Variants in PLEKHH1 observed in about 807,000 individuals in gnomAD.
The protein encoded by PLEKHH1 is pleckstrin homology, MyTH4 and FERM domain containing H1.
Under a neutral mutation model 160.0 loss-of-function variants are expected in PLEKHH1, and 104 were observed. The ratio of observed to expected loss-of-function variants is 0.65; its 90% confidence interval spans 0.55 to 0.76. PLEKHH1 has a LOEUF of 0.76. PLEKHH1 is among the 30% of genes least tolerant of loss of function. The pLI, the probability that PLEKHH1 is intolerant of heterozygous loss-of-function variation, is 0.00. For missense variants in PLEKHH1, 1,427 were observed against 1,724.1 expected (o/e 0.83, Z 3.05); for synonymous variants, 619 against 678.4 (o/e 0.91, Z 1.36).
chr14:67,563,118 C>T (rs2034918817), intron 7 of PLEKHH1, among the ~76,000 whole-genome samples: 1 of 152,210 alleles, frequency 6.6e-6, no homozygotes, highest in Non-Finnish European at 1.5e-5. Flanking sequence ...CCTGAGTGCT[C>T]ACCGTGCACC....
Position 67,588,016 on chromosome 14 carries a change from G to C in PLEKHH1, c.*781G>C, listed in dbSNP as rs527845955. 1 of 152,544 alleles carries C rather than the reference G, an allele frequency of 6.6e-6. No individual in the cohort carries two copies. The highest frequency in any genetic ancestry group is 2.4e-5 in the African/African-American group (1 of 41,432). The allele number at this position is 152,544 out of a possible 1,614,324, so 9.4% of individuals were successfully genotyped here. A position where few individuals can be genotyped will look rare whatever the true frequency, so the allele number is the denominator to read the frequency against. ...AATGGGAAAGGTGCTGACAGAGTTG[G>C]AGAAAAAAGAATAGACTCATTTTTC... On this transcript the variant is annotated 3_prime_UTR_variant, in exon 29 of 29. Coordinates refer to ENST00000329153, the MANE Select transcript of PLEKHH1 (RefSeq NM_020715.3).
intron 23 of PLEKHH1, among the ~76,000 whole-genome samples, chr14:67,581,300 A>ACC (rs2035886922): frequency 6.6e-6 from 1 of 151,750 alleles, no homozygotes; most frequent in South Asian, 2.1e-4. Flanking sequence ...ACACACACAC[A>ACC]AACATCTGCC....
At chr14:67,555,798 A>G in intron 2 of PLEKHH1, 27 bp from the exon 3 acceptor site, 6 of 1,612,166 alleles carry the variant, frequency 3.7e-6, no homozygotes, top group Non-Finnish European at 5.1e-6. Flanking sequence ...TGGCACCTAC[A>G]TCTCCCCTTT....
intron 2 of PLEKHH1, among the ~76,000 whole-genome samples, chr14:67,547,608 G>C (rs2034232386): frequency 6.6e-6 from 1 of 152,110 alleles, no homozygotes. Flanking sequence ...TACATGGGCT[G>C]ATGACTGCAG....
intron 22 of PLEKHH1, chr14:67,580,397 G>A (rs2035838206): frequency 6.0e-6 from 1 of 166,874 alleles, no homozygotes; most frequent in Admixed American, 5.6e-5. Flanking sequence ...TGTGGTCTGG[G>A]ATTACTGTCC....
chr14:67,579,293 T>C lies in PLEKHH1; in HGVS notation c.3009T>C (p.Phe1003=). 1 of 1,548,820 alleles carries C rather than the reference T, an allele frequency of 6.5e-7. No individual in the cohort carries two copies. Among genetic ancestry groups the C allele is most frequent in the South Asian group, 1.2e-5 (1 of 80,548 alleles). The change falls in exon 21 of 29, where the codon TTT becomes TTC. Residue 1003 remains phenylalanine, a synonymous_variant. Coordinates refer to ENST00000329153, the MANE Select transcript of PLEKHH1 (RefSeq NM_020715.3). ...TGCCCTTCAGCATCCCCGTGCACTT[T>C]ACCAACGGGACTTACCATGTGAGGA... ...HSLPFSIPVH[F]TNGTYHVVGF... is the part of the protein sequence containing the mutation.
At position 67,571,797 on chromosome 14, in the gene PLEKHH1, G is replaced by A. The variant is rs1286901160; in HGVS notation, c.1480G>A (p.Gly494Arg). ...CATGCCCTTTATGGACGAGTCCTCTGGGTCTGACGATGACTGCAGCTCTCA... is the reference window on the plus strand; with the variant it reads ...CATGCCCTTTATGGACGAGTCCTCTAGGTCTGACGATGACTGCAGCTCTCA... Reference protein sequence around the residue: ...SNMPFMDESSGSDDDCSSQAS... With the variant: ...SNMPFMDESSRSDDDCSSQAS... Residue 494 changes from glycine (G) to arginine (R), a missense_variant, in exon 10 of 29, where the codon GGG becomes AGG. Coordinates refer to ENST00000329153, the MANE Select transcript of PLEKHH1 (RefSeq NM_020715.3). The A allele has an allele frequency of 6.2e-7, 1 of 1,613,910 alleles. No individual in the cohort carries two copies. The highest frequency in any genetic ancestry group is 8.5e-7 in the Non-Finnish European group (1 of 1,179,814).
At chr14:67,558,547 G>A (rs550838367) in intron 4 of PLEKHH1, among the ~76,000 whole-genome samples, 1 of 152,220 alleles carries the variant, frequency 6.6e-6, no homozygotes, top group South Asian at 2.1e-4. Context: ...AGCATCTTGG[G>A]GGTTGGTGGA....
At chr14:67,571,585 C>A in intron 9 of PLEKHH1, 167 bp from the exon 10 acceptor site, 1 of 617,916 alleles carries the variant, frequency 1.6e-6, no homozygotes, top group South Asian at 1.9e-5. Context: ...GAGGTCATGA[C>A]ACAGGAGTGA....
At chr14:67,542,328 G>A (rs959580393) in intron 2 of PLEKHH1, among the ~76,000 whole-genome samples, 4 of 152,042 alleles carry the variant, frequency 2.6e-5, no homozygotes, top group African/African-American at 4.8e-5. Flanking sequence ...ACGGTGTTTC[G>A]GGAGAAAACA....
At chr14:67,534,943 G>T (rs2033644273) in intron 1 of PLEKHH1, among the ~76,000 whole-genome samples, 1 of 152,156 alleles carries the variant, frequency 6.6e-6, no homozygotes, top group South Asian at 2.1e-4. Context: ...TTTAGCAAAA[G>T]GTTGGAAACA....
At chr14:67,546,928 T>C (rs2034205933) in intron 2 of PLEKHH1, among the ~76,000 whole-genome samples, 1 of 152,170 alleles carries the variant, frequency 6.6e-6, no homozygotes, top group Non-Finnish European at 1.5e-5. Flanking sequence ...TAATAAATGT[T>C]TTAGAGTGTG....
chr14:67,541,859 G>A lies in PLEKHH1; in HGVS notation c.-9G>A, dbSNP rs1016636537. On this transcript the variant is annotated 5_prime_UTR_variant, in exon 2 of 29. Transcript: ENST00000329153. Reference sequence around the variant, plus strand: ...GGCTCCCCAGAATAATCCAGAAGTCGATTCCATCATGGCAGAACTCAAGGT... The same window carrying A: ...GGCTCCCCAGAATAATCCAGAAGTCAATTCCATCATGGCAGAACTCAAGGT... 1.3e-6 allele frequency: 2 copies of A among 1,587,850 alleles called. No homozygotes were observed. The highest frequency in any genetic ancestry group is 1.4e-5 in the African/African-American group (1 of 73,860).
intron 22 of PLEKHH1, among the ~76,000 whole-genome samples, chr14:67,580,493 G>C (rs957508898): frequency 2.0e-5 from 3 of 152,232 alleles, no homozygotes; most frequent in Non-Finnish European, 4.4e-5. Flanking sequence ...CAGGACAAAG[G>C]CTTCTATGGT....
At chr14:67,535,184 C>T (rs1192205787) in intron 1 of PLEKHH1, among the ~76,000 whole-genome samples, 1 of 152,136 alleles carries the variant, frequency 6.6e-6, no homozygotes, top group East Asian at 1.9e-4. Context: ...CTCTGAATAT[C>T]TCTGAGAGAA....
intron 1 of PLEKHH1, among the ~76,000 whole-genome samples, chr14:67,538,481 T>C (rs2033833483): frequency 6.6e-6 from 1 of 152,228 alleles, no homozygotes. Flanking sequence ...TGTAAGGTAT[T>C]CATTTCTGCT....
rs1186196298 is a variant in PLEKHH1, at chr14:67,589,323, T to A, written c.*2088T>A. The A allele has an allele frequency of 1.0e-6, 1 of 978,664 alleles. No individual in the cohort carries two copies. Among genetic ancestry groups the A allele is most frequent in the Non-Finnish European group, 1.2e-6 (1 of 823,914 alleles). 60.6% of individuals were successfully genotyped at this position (978,664 alleles called of 1,614,324 possible). ...TAGAAACAAAGGATTCAATATTTGC[T>A]TATTTATTCTTTGTTAACATGAGAG... On this transcript the variant is annotated 3_prime_UTR_variant, in exon 29 of 29. Transcript: ENST00000329153.
At position 67,574,499 on chromosome 14, in the gene PLEKHH1, G is replaced by A. The variant is rs750508982; in HGVS notation, c.2088+96G>A. The A allele has an allele frequency of 3.6e-5, 36 of 1,010,100 alleles. No individual in the cohort carries two copies. The highest frequency in any genetic ancestry group is 3.4e-4 in the Middle Eastern group (1 of 2,956). The allele number at this position is 1,010,100 out of a possible 1,614,324, so 62.6% of individuals were successfully genotyped here. A position where few individuals can be genotyped will look rare whatever the true frequency, so the allele number is the denominator to read the frequency against. ...GAGGGTGGTGGGTTCCCCCTTATAC[G>A]GGGCTCCTTTCTCTGGGAGCCTCCT... On this transcript the variant is annotated intron_variant, in intron 14 of 28. Transcript: ENST00000329153. This position sits in a 1 kb window ranked among gnomAD's most constrained non-coding sequence, Gnocchi z 4.2.
At chr14:67,543,195 C>G (rs1247667057) in intron 2 of PLEKHH1, among the ~76,000 whole-genome samples, 1 of 152,188 alleles carries the variant, frequency 6.6e-6, no homozygotes, top group Non-Finnish European at 1.5e-5. Flanking sequence ...TCACACCTCT[C>G]CAAAGAATGT....
Sources: allele counts gnomAD v4.1 joint callset (sites outside exome capture counted in the v4.1 genomes callset), GRCh38; gene constraint gnomAD v4.1.1; non-coding constraint Gnocchi (gnomAD v3.1); transcripts MANE v1.5; gene names NCBI Gene and HGNC (gene_info 2026-07-23, HGNC 2026-07-21).